EXOC6B: variants seen among roughly 807,000 people sequenced by gnomAD.
The protein encoded by EXOC6B is SEC15 homolog B.
A neutral mutation model predicts 113.5 loss-of-function variants in EXOC6B; 54 were observed. The observed-to-expected ratio is 0.48, with a 90% CI of 0.38 to 0.60. The LOEUF (loss-of-function observed/expected upper bound fraction) is 0.60. EXOC6B is among the 20% of genes least tolerant of loss of function. The pLI, the probability that EXOC6B is intolerant of heterozygous loss-of-function variation, is 0.00. For missense variants in EXOC6B, 797 were observed against 977.5 expected, an observed-to-expected ratio of 0.82 and a Z score of 2.46; for synonymous variants, 357 against 339.0, an observed-to-expected ratio of 1.05 and a Z score of -0.58.
rs72912261 is a variant in EXOC6B, at chr2:72,331,035, T to C, written c.2196+3912A>G. Among the ~76,000 whole-genome samples, 79 of 152,182 alleles carry C rather than the reference T, an allele frequency of 5.2e-4. 1 individual carries two copies. The highest frequency in any genetic ancestry group is 1.9e-3 in the African/African-American group (78 of 41,552). Reference sequence around the variant, plus strand: ...AGCTGAACCTACCCTAAATTGAGAATCTGTAGAAATTTGAGCTTCATAAGT... The same window carrying C: ...AGCTGAACCTACCCTAAATTGAGAACCTGTAGAAATTTGAGCTTCATAAGT... On this transcript the variant is annotated intron_variant, in intron 20 of 21. Coordinates refer to ENST00000272427, the MANE Select transcript of EXOC6B (RefSeq NM_015189.3).
In EXOC6B at chr2:72,179,407, C is replaced by T; in HGVS notation, c.2364G>A (p.Glu788=). 3 of 1,613,838 alleles carry T rather than the reference C, an allele frequency of 1.9e-6. No individual in the cohort carries two copies. Among genetic ancestry groups the T allele is most frequent in the Non-Finnish European group, 2.5e-6 (3 of 1,179,876 alleles). Residue 788 remains glutamate (E), a synonymous_variant, in exon 22 of 22, where the codon GAG becomes GAA. Transcript: ENST00000272427. ...TGTCAATGAGTTTCTGCTTGTCTCG[C>T]TCATTTTTCCGAAACTGTGCAAACA... is the stretch of plus-strand genomic sequence containing the variant. ...NNMFAQFRKN[E]RDKQKLIDTV...
At chr2:72,307,161 G>GTTTTTGTTTTTTTTTTTTT (rs758906963) in intron 20 of EXOC6B, among the ~76,000 whole-genome samples, 6,724 of 126,726 alleles carry the variant, frequency 0.053, 1,350 homozygotes, top group African/African-American at 0.24. Flanking sequence ...GTATAGTCCA[G>GTTTTTGTTTTTTTTTTTTT]TTTTTTTTTT....
chr2:72,407,785 T>C (rs541164965), intron 18 of EXOC6B, among the ~76,000 whole-genome samples: 2 of 152,180 alleles, frequency 1.3e-5, no homozygotes, highest in Admixed American at 1.3e-4. Flanking sequence ...ACTGGAAGCA[T>C]TCCCTTTGAA....
intron 6 of EXOC6B, among the ~76,000 whole-genome samples, chr2:72,608,505 C>T (rs1369477882): frequency 6.6e-6 from 1 of 152,070 alleles, no homozygotes; most frequent in Non-Finnish European, 1.5e-5. Flanking sequence ...CACATCTCCT[C>T]CCCAAAATAG....
At chr2:72,679,093 G>A (rs1676512456) in intron 6 of EXOC6B, among the ~76,000 whole-genome samples, 1 of 151,206 alleles carries the variant, frequency 6.6e-6, no homozygotes, top group African/African-American at 2.4e-5. Context: ...TTTAAACAGA[G>A]TCTGATTCTG....
At chr2:72,221,902 A>G (rs1207117181) in intron 20 of EXOC6B, among the ~76,000 whole-genome samples, 5 of 152,202 alleles carry the variant, frequency 3.3e-5, no homozygotes, top group South Asian at 2.1e-4. Flanking sequence ...AAATTCTTTT[A>G]TCTGTCTTCT....
At chr2:72,717,030 T>G (rs547085308) in intron 6 of EXOC6B, among the ~76,000 whole-genome samples, 2 of 152,310 alleles carry the variant, frequency 1.3e-5, no homozygotes, top group South Asian at 4.1e-4. Flanking sequence ...ACTGATTAAT[T>G]TTATTTCTCC....
chr2:72,510,938 G>T (rs181178529), intron 11 of EXOC6B, among the ~76,000 whole-genome samples: 5 of 152,046 alleles, frequency 3.3e-5, no homozygotes, highest in Admixed American at 3.3e-4. Flanking sequence ...TTATAAAATA[G>T]TTAAGCAACT....
intron 1 of EXOC6B, among the ~76,000 whole-genome samples, chr2:72,794,446 G>C (rs1327436489): frequency 6.6e-6 from 1 of 152,044 alleles, no homozygotes; most frequent in Non-Finnish European, 1.5e-5. Flanking sequence ...GATATCTTGA[G>C]GAGATATAGA....
At chr2:72,392,905 T>C (rs1692477784) in intron 18 of EXOC6B, among the ~76,000 whole-genome samples, 1 of 152,162 alleles carries the variant, frequency 6.6e-6, no homozygotes, top group Non-Finnish European at 1.5e-5. Flanking sequence ...GCTCTCTCTG[T>C]GGGCCCAATT....
intron 6 of EXOC6B, among the ~76,000 whole-genome samples, chr2:72,702,251 T>A (rs1446103270): frequency 6.6e-6 from 1 of 151,412 alleles, no homozygotes; most frequent in East Asian, 1.9e-4. Flanking sequence ...GGACATGAAC[T>A]CATCATTTTT....
chr2:72,326,456 G>A (rs944289523), intron 20 of EXOC6B, among the ~76,000 whole-genome samples: 8 of 152,060 alleles, frequency 5.3e-5, no homozygotes, highest in South Asian at 2.1e-4. Flanking sequence ...ATGATACAGC[G>A]TGAGAGGATT....
intron 18 of EXOC6B, among the ~76,000 whole-genome samples, chr2:72,450,237 G>GA (rs1321658974): frequency 2.6e-5 from 4 of 151,072 alleles, no homozygotes; most frequent in South Asian, 2.1e-4. Flanking sequence ...TAAAGAAATA[G>GA]AAAAAAAAAT....
intron 6 of EXOC6B, among the ~76,000 whole-genome samples, chr2:72,667,952 T>C (rs6708156): frequency 0.61 from 93,121 of 151,906 alleles, 34,744 homozygotes; most frequent in East Asian, 0.99. Context: ...TGGGAGAAAA[T>C]ATTCACCAAC....
At chr2:72,656,828 A>C (rs1335395440) in intron 6 of EXOC6B, among the ~76,000 whole-genome samples, 2 of 152,180 alleles carry the variant, frequency 1.3e-5, no homozygotes, top group African/African-American at 4.8e-5. Context: ...AACATACACT[A>C]AATATTTATA....
chr2:72,237,186 TG>T (rs1426865915), intron 20 of EXOC6B, among the ~76,000 whole-genome samples: 2 of 152,192 alleles, frequency 1.3e-5, no homozygotes, highest in Non-Finnish European at 2.9e-5. Flanking sequence ...AGGCGTTATA[TG>T]AGGCTGTGGG....
intron 6 of EXOC6B, among the ~76,000 whole-genome samples, chr2:72,667,649 A>T (rs1319175107): frequency 1.3e-5 from 2 of 152,188 alleles, no homozygotes; most frequent in African/African-American, 4.8e-5. Context: ...AATAAATGGT[A>T]CTGGGATAAC....
chr2:72,558,166 T>C (rs564894191), intron 8 of EXOC6B, among the ~76,000 whole-genome samples: 4 of 152,056 alleles, frequency 2.6e-5, no homozygotes, highest in Non-Finnish European at 5.9e-5. Context: ...TATATTCAAA[T>C]GTAAATACAA....
chr2:72,411,942 T>A (rs1694211663), intron 18 of EXOC6B, among the ~76,000 whole-genome samples: 1 of 152,104 alleles, frequency 6.6e-6, no homozygotes, highest in Non-Finnish European at 1.5e-5. Flanking sequence ...AATATGTATG[T>A]TTAAGATGAA....
Sources: gnomAD v4.1 joint callset for allele counts (sites outside exome capture counted in the v4.1 genomes callset) on GRCh38, gnomAD v4.1.1 for gene constraint, MANE v1.5 for transcripts, NCBI Gene and HGNC (gene_info 2026-07-23, HGNC 2026-07-21) for gene names.